The following NECAB1 variants were observed in gnomAD, a reference collection of about 807,000 sequenced individuals.
NECAB1 encodes the protein N-terminal EF-hand calcium-binding protein 1.
A neutral mutation model predicts 57.5 loss-of-function variants in NECAB1; 29 were observed. That is an observed-to-expected ratio of 0.50 (90% CI 0.38 to 0.69). NECAB1 has a LOEUF of 0.69. NECAB1 is among the 30% of genes least tolerant of loss of function. NECAB1 has a pLI of 0.00. For synonymous variants in NECAB1, 142 were observed against 147.7 expected (o/e 0.96, Z 0.28); for missense variants, 372 against 413.8 (o/e 0.90, Z 0.88).
intron 5 of NECAB1, among the ~76,000 whole-genome samples, chr8:90,887,102 C>T (rs1276785207): frequency 1.3e-5 from 2 of 152,100 alleles, no homozygotes; most frequent in Admixed American, 6.6e-5. Context: ...GCTGTTCTGT[C>T]CGTGACATGC....
chr8:90,854,719 T>C (rs553973979), intron 3 of NECAB1, among the ~76,000 whole-genome samples: 1 of 152,328 alleles, frequency 6.6e-6, no homozygotes, highest in South Asian at 2.1e-4. Context: ...TAGAGACTTT[T>C]TTTGGGCAAC....
intron 1 of NECAB1, among the ~76,000 whole-genome samples, chr8:90,796,137 T>A (rs1811658068): frequency 1.3e-5 from 2 of 152,232 alleles, no homozygotes. Flanking sequence ...TTTCAGTGCC[T>A]GCTTCCCCTT....
chr8:90,889,853 A>C (rs960513025), intron 5 of NECAB1, among the ~76,000 whole-genome samples: 16 of 152,214 alleles, frequency 1.1e-4, no homozygotes, highest in African/African-American at 3.4e-4. Context: ...TACTAGAAGT[A>C]AGTCAATAAG....
At chr8:90,817,267 T>A (rs1399981424) in intron 2 of NECAB1, among the ~76,000 whole-genome samples, 1 of 151,758 alleles carries the variant, frequency 6.6e-6, no homozygotes, top group Non-Finnish European at 1.5e-5. Flanking sequence ...GAAATACAAT[T>A]TTGTTTCTAC....
chr8:90,888,677 A>G (rs553712154), intron 5 of NECAB1, among the ~76,000 whole-genome samples: 6 of 152,298 alleles, frequency 3.9e-5, no homozygotes, highest in African/African-American at 1.4e-4. Context: ...CAAAGTTCTT[A>G]TTTTCAAAAT....
Position 90,959,089 on chromosome 8 carries a change from AGTTT to A in NECAB1, c.*3578_*3581del, listed in dbSNP as rs1426234382. 1 of 803,182 alleles carries A rather than the reference AGTTT, an allele frequency of 1.2e-6. No homozygotes were observed. Among genetic ancestry groups the A allele is most frequent in the Non-Finnish European group, 1.9e-6 (1 of 521,120 alleles). 49.8% of individuals were successfully genotyped at this position (803,182 alleles called of 1,614,324 possible). A position where few individuals can be genotyped will look rare whatever the true frequency, so the allele number is the denominator to read the frequency against. ...TGATTGAATACAGTTTTTACTAATTAGTTTATCAAACCAAATACTGTGAACGTAC... is the reference window on the plus strand; with the variant it reads ...TGATTGAATACAGTTTTTACTAATTAATCAAACCAAATACTGTGAACGTAC... On this transcript the variant is annotated 3_prime_UTR_variant, in exon 13 of 13. Transcript: ENST00000417640.
At chr8:90,826,763 T>G (rs941792573) in intron 3 of NECAB1, among the ~76,000 whole-genome samples, 7 of 151,746 alleles carry the variant, frequency 4.6e-5, no homozygotes, top group African/African-American at 1.7e-4. Flanking sequence ...TTTCAATAGA[T>G]CTTGTTAGCC....
intron 3 of NECAB1, among the ~76,000 whole-genome samples, chr8:90,826,963 G>A (rs553253090): frequency 2.2e-4 from 34 of 151,866 alleles, no homozygotes; most frequent in South Asian, 4.2e-4. Flanking sequence ...ACTTTAATTT[G>A]GAGCTAAAGT....
chr8:90,858,326 G>A (rs1486290759), intron 3 of NECAB1, among the ~76,000 whole-genome samples: 1 of 152,128 alleles, frequency 6.6e-6, no homozygotes, highest in Non-Finnish European at 1.5e-5. Context: ...ATCCAAGGAA[G>A]TCCCCTGAAA....
intron 6 of NECAB1, among the ~76,000 whole-genome samples, chr8:90,921,090 C>G (rs1810098593): frequency 6.6e-6 from 1 of 152,150 alleles, no homozygotes; most frequent in African/African-American, 2.4e-5. Flanking sequence ...AATCTCAGCT[C>G]ACTGCAACTT....
intron 2 of NECAB1, among the ~76,000 whole-genome samples, chr8:90,809,005 A>T (rs1811907433): frequency 2.0e-5 from 3 of 152,066 alleles, no homozygotes; most frequent in Admixed American, 1.3e-4. Flanking sequence ...CCTGGTGCTG[A>T]ATTTTTCACA....
intron 5 of NECAB1, among the ~76,000 whole-genome samples, chr8:90,887,754 C>T (rs113475235): frequency 3.9e-5 from 6 of 152,238 alleles, no homozygotes; most frequent in African/African-American, 1.2e-4. Flanking sequence ...CCATCAGAGG[C>T]CCTCTTTCAT....
intron 4 of NECAB1, among the ~76,000 whole-genome samples, chr8:90,873,554 C>A (rs1563512811): frequency 1.3e-5 from 2 of 152,336 alleles, no homozygotes; most frequent in Non-Finnish European, 2.9e-5. Context: ...ATTAAGGTAG[C>A]AGACCCATTT....
chr8:90,819,936 C>T (rs941967121), intron 2 of NECAB1, among the ~76,000 whole-genome samples: 1 of 151,774 alleles, frequency 6.6e-6, no homozygotes, highest in African/African-American at 2.4e-5. Flanking sequence ...TCTTTCTTAC[C>T]TCCTCACTGT....
At chr8:90,898,458 C>T (rs904027538) in intron 5 of NECAB1, among the ~76,000 whole-genome samples, 2 of 152,180 alleles carry the variant, frequency 1.3e-5, no homozygotes, top group African/African-American at 4.8e-5. Flanking sequence ...AAAATTAACA[C>T]ATTTGATATT....
chr8:90,901,881 C>T (rs951374537), intron 5 of NECAB1, among the ~76,000 whole-genome samples: 5 of 151,780 alleles, frequency 3.3e-5, no homozygotes, highest in South Asian at 2.1e-4. Flanking sequence ...GCTAAAACCT[C>T]GTTTGCACTC....
At chr8:90,838,358 C>A (rs1022756947) in intron 3 of NECAB1, among the ~76,000 whole-genome samples, 4 of 152,116 alleles carry the variant, frequency 2.6e-5, no homozygotes, top group African/African-American at 9.7e-5. Context: ...CAAAACATTT[C>A]TAATACTAAA....
intron 5 of NECAB1, among the ~76,000 whole-genome samples, chr8:90,907,086 A>C (rs1236438891): frequency 6.7e-6 from 1 of 148,814 alleles, no homozygotes; most frequent in African/African-American, 2.5e-5. Flanking sequence ...AATAATGAAA[A>C]TTTGAGGGTC....
chr8:90,943,404 A>G (rs999299959), intron 10 of NECAB1, among the ~76,000 whole-genome samples: 1 of 152,228 alleles, frequency 6.6e-6, no homozygotes, highest in African/African-American at 2.4e-5. Context: ...AATGTAGACT[A>G]TATCAGATGG....
Sources: gnomAD v4.1 joint callset for allele counts (sites outside exome capture counted in the v4.1 genomes callset) on GRCh38, gnomAD v4.1.1 for gene constraint, MANE v1.5 for transcripts, NCBI Gene and HGNC (gene_info 2026-07-23, HGNC 2026-07-21) for gene names.